Variants in DYNC1I1 observed in about 807,000 individuals in gnomAD.
DYNC1I1 encodes cytoplasmic dynein 1 intermediate chain 1.
A neutral mutation model predicts 86.6 loss-of-function variants in DYNC1I1; 43 were observed. The observed-to-expected ratio is 0.50, with a 90% CI of 0.39 to 0.64. The LOEUF (loss-of-function observed/expected upper bound fraction) is 0.64. DYNC1I1 is among the 30% of genes least tolerant of loss of function. DYNC1I1 has a pLI of 0.00. For synonymous variants in DYNC1I1, 262 were observed against 283.7 expected (o/e 0.92, Z 0.77); for missense variants, 604 against 788.8 (o/e 0.77, Z 2.81).
intron 6 of DYNC1I1, among the ~76,000 whole-genome samples, chr7:95,895,765 A>T (rs952800321): frequency 8.5e-5 from 13 of 152,238 alleles, no homozygotes; most frequent in Admixed American, 3.3e-4. Context: ...GATATATAAC[A>T]TAACTACATT....
intron 16 of DYNC1I1, among the ~76,000 whole-genome samples, chr7:96,090,828 A>G (rs998664623): frequency 4.6e-5 from 7 of 152,164 alleles, no homozygotes; most frequent in Non-Finnish European, 1.5e-5. Context: ...CATACCATAT[A>G]TCTTTTTGTG....
At chr7:95,981,439 T>C (rs1793456241) in intron 7 of DYNC1I1, among the ~76,000 whole-genome samples, 1 of 149,058 alleles carries the variant, frequency 6.7e-6, no homozygotes, top group Admixed American at 6.7e-5. Flanking sequence ...TTATATTCTA[T>C]TGTAATTTTG....
At chr7:95,958,149 G>C (rs1463018056) in intron 6 of DYNC1I1, among the ~76,000 whole-genome samples, 1 of 152,148 alleles carries the variant, frequency 6.6e-6, no homozygotes, top group Non-Finnish European at 1.5e-5. Flanking sequence ...TCTCCAGATT[G>C]AACATTGCCA....
chr7:95,776,359 T>C (rs886476684), intron 1 of DYNC1I1, among the ~76,000 whole-genome samples: 2 of 152,130 alleles, frequency 1.3e-5, no homozygotes, highest in African/African-American at 4.8e-5. Flanking sequence ...AGCTCACATA[T>C]TCATAAAACA....
intron 5 of DYNC1I1, among the ~76,000 whole-genome samples, chr7:95,842,557 A>G (rs1399814993): frequency 6.6e-6 from 1 of 152,130 alleles, no homozygotes; most frequent in African/African-American, 2.4e-5. Context: ...AGCTTGCACA[A>G]GTTAAGTCCT....
intron 1 of DYNC1I1, among the ~76,000 whole-genome samples, chr7:95,783,626 T>C (rs2115666294): frequency 6.6e-6 from 1 of 152,384 alleles, no homozygotes; most frequent in Non-Finnish European, 1.5e-5. Context: ...TAATCACTTC[T>C]TTCAATTTGC....
chr7:95,848,189 T>C (rs1789483823), intron 5 of DYNC1I1, among the ~76,000 whole-genome samples: 1 of 149,424 alleles, frequency 6.7e-6, no homozygotes, highest in Non-Finnish European at 1.5e-5. Flanking sequence ...TGATTTACAC[T>C]GGTGTTTGAC....
intron 16 of DYNC1I1, among the ~76,000 whole-genome samples, chr7:96,095,438 G>A (rs913759163): frequency 1.3e-5 from 2 of 151,992 alleles, no homozygotes; most frequent in Non-Finnish European, 2.9e-5. Flanking sequence ...AAATTTGTAC[G>A]ATTTTAACTA....
At chr7:95,823,387 C>T (rs1436755707) in intron 4 of DYNC1I1, among the ~76,000 whole-genome samples, 7 of 152,170 alleles carry the variant, frequency 4.6e-5, no homozygotes, top group African/African-American at 1.7e-4. Context: ...TAACAATCAC[C>T]ATTCTTAATC....
chr7:96,091,166 G>C (rs998617165), intron 16 of DYNC1I1, among the ~76,000 whole-genome samples: 4 of 152,074 alleles, frequency 2.6e-5, no homozygotes, highest in Non-Finnish European at 4.4e-5. Context: ...CTTTTTAAAA[G>C]GCTTTTAGAG....
At chr7:95,850,021 G>A (rs937561780) in intron 5 of DYNC1I1, among the ~76,000 whole-genome samples, 7 of 152,120 alleles carry the variant, frequency 4.6e-5, no homozygotes, top group African/African-American at 2.4e-5. Flanking sequence ...CACTGTTAGT[G>A]TGTAGAAATG....
chr7:96,035,502 C>G, intron 12 of DYNC1I1, 117 bp from the exon 13 acceptor site: 1 of 1,364,072 alleles, frequency 7.3e-7, no homozygotes, highest in East Asian at 2.7e-5. Flanking sequence ...CAGCCGGGGT[C>G]TTTTGTAACG....
At chr7:95,802,396 G>A (rs897065899) in intron 1 of DYNC1I1, among the ~76,000 whole-genome samples, 2 of 152,088 alleles carry the variant, frequency 1.3e-5, no homozygotes, top group Non-Finnish European at 2.9e-5. Flanking sequence ...TACCATTCCC[G>A]TACAGGTACA....
At chr7:96,006,484 ACAGGATTT>A (rs1411318851) in intron 10 of DYNC1I1, among the ~76,000 whole-genome samples, 3 of 152,216 alleles carry the variant, frequency 2.0e-5, no homozygotes, top group Non-Finnish European at 4.4e-5. Flanking sequence ...AATTTTCAGA[ACAGGATTT>A]CACTGGATTA....
intron 5 of DYNC1I1, among the ~76,000 whole-genome samples, chr7:95,869,041 G>A (rs1326751317): frequency 6.6e-6 from 1 of 152,138 alleles, no homozygotes; most frequent in East Asian, 1.9e-4. Flanking sequence ...AACGGACCAA[G>A]ACTCATAACC....
At chr7:95,916,712 A>G (rs1375914752) in intron 6 of DYNC1I1, among the ~76,000 whole-genome samples, 2 of 152,090 alleles carry the variant, frequency 1.3e-5, no homozygotes, top group African/African-American at 4.8e-5. Flanking sequence ...TCTTAAACCC[A>G]GTTTTGCCGC....
intron 16 of DYNC1I1, among the ~76,000 whole-genome samples, chr7:96,085,695 G>T (rs73708467): frequency 0.023 from 3,501 of 152,182 alleles, 130 homozygotes; most frequent in African/African-American, 0.079. Context: ...TACTCTATTT[G>T]TGCCTTCAAA....
At chr7:95,955,371 G>A (rs1792683571) in intron 6 of DYNC1I1, among the ~76,000 whole-genome samples, 1 of 151,888 alleles carries the variant, frequency 6.6e-6, no homozygotes, top group African/African-American at 2.4e-5. Context: ...CACCCATGCT[G>A]GAGTACAAAA....
At chr7:95,809,309 T>C (rs1794774466) in intron 2 of DYNC1I1, among the ~76,000 whole-genome samples, 1 of 152,164 alleles carries the variant, frequency 6.6e-6, no homozygotes, top group African/African-American at 2.4e-5. Flanking sequence ...TAGCTAATGC[T>C]TCACTTGCTT....
Sources: allele counts gnomAD v4.1 joint callset (sites outside exome capture counted in the v4.1 genomes callset), GRCh38; gene constraint gnomAD v4.1.1; transcripts MANE v1.5; gene names NCBI Gene and HGNC (gene_info 2026-07-23, HGNC 2026-07-21).